TTLL6: variants seen among roughly 807,000 people sequenced by gnomAD.
TTLL6 encodes tubulin polyglutamylase TTLL6.
TTLL6 carries 75 observed loss-of-function variants against 96.4 expected under a neutral mutation model. The observed-to-expected ratio is 0.78, with a 90% confidence interval of 0.65 to 0.94. TTLL6 has a LOEUF of 0.94. Among genes scored for constraint, TTLL6 ranks in the 40% least tolerant of loss-of-function variants. The probability of loss-of-function intolerance (pLI) is 0.00; values close to 1 mark genes in which losing one functional copy is unlikely to be tolerated. For missense variants in TTLL6, 1,030 were observed against 1,093.0 expected, an observed-to-expected ratio of 0.94 and a Z score of 0.81; for synonymous variants, 411 against 419.4, an observed-to-expected ratio of 0.98 and a Z score of 0.24.
chr17:48,816,963 C>G lies in TTLL6; in HGVS notation c.103+7G>C, dbSNP rs921520360. The G allele has an allele frequency of 1.3e-6, 2 of 1,528,738 alleles. No individual in the cohort carries two copies. The highest frequency in any genetic ancestry group is 2.8e-5 in the African/African-American group (2 of 71,966). The allele number at this position is 1,528,738 out of a possible 1,614,324, so 94.7% of individuals were successfully genotyped here. On this transcript the variant is annotated splice_region_variant and intron_variant, in intron 1 of 15. Coordinates refer to ENST00000393382, the MANE Select transcript of TTLL6 (RefSeq NM_001130918.3). Reference sequence around the variant, plus strand: ...GGAGCCAGCACCGGGCTTTGGGGCGCTCTTACCCGCAATTCCTACTCCCCC... The same window carrying G: ...GGAGCCAGCACCGGGCTTTGGGGCGGTCTTACCCGCAATTCCTACTCCCCC...
At chr17:48,772,467 C>T (rs1240477628) in intron 13 of TTLL6, among the ~76,000 whole-genome samples, 1 of 152,160 alleles carries the variant, frequency 6.6e-6, no homozygotes, top group Non-Finnish European at 1.5e-5. Flanking sequence ...TGCAGTGGCT[C>T]ACGCCTGTAA....
rs1567723553 is a variant in TTLL6, at chr17:48,786,258, TC to T, written c.1666del (p.Glu556AsnfsTer7). ...CTTTCTCACTTGCTCGCCTGCCGAT[TC>T]CCCCTGCATCTCTACCTTCTTCTTC... is the stretch of plus-strand genomic sequence containing the variant. ...QMKKKVEMQG[E>X]SAGEQVRKKG... On this transcript the variant is annotated frameshift_variant, in exon 12 of 16. Coordinates refer to ENST00000393382, the MANE Select transcript of TTLL6 (RefSeq NM_001130918.3). LOFTEE classifies it high-confidence loss of function. 1 of 1,614,220 alleles carries T rather than the reference TC, an allele frequency of 6.2e-7. No individual in the cohort carries two copies. Among genetic ancestry groups the T allele is most frequent in the Non-Finnish European group, 8.5e-7 (1 of 1,180,048 alleles).
chr17:48,816,950 G>T lies in TTLL6; in HGVS notation c.103+20C>A. The stretch of plus-strand genomic sequence containing the variant: ...GAGGCTGCGGTCTGGAGCCAGCACC[G>T]GGCTTTGGGGCGCTCTTACCCGCAA... On this transcript the variant is annotated intron_variant, in intron 1 of 15. Coordinates refer to ENST00000393382, the MANE Select transcript of TTLL6 (RefSeq NM_001130918.3). 1 of 1,511,872 alleles carries T rather than the reference G, an allele frequency of 6.6e-7. No individual in the cohort carries two copies. The highest frequency in any genetic ancestry group is 8.8e-7 in the Non-Finnish European group (1 of 1,130,288). 93.7% of individuals were successfully genotyped at this position (1,511,872 alleles called of 1,614,324 possible).
intron 8 of TTLL6, among the ~76,000 whole-genome samples, chr17:48,795,850 G>A (rs1454886305): frequency 6.6e-6 from 1 of 152,182 alleles, no homozygotes; most frequent in Non-Finnish European, 1.5e-5. Flanking sequence ...AGCCTCCCAG[G>A]GTTTACGATG....
At position 48,769,163 on chromosome 17, in the gene TTLL6, ACT is replaced by A. The variant is rs2038680044; in HGVS notation, c.2500_2501del (p.Pro835SerfsTer4). ...TCAGAGTAACATTATAGCTCTGAGGACTCTGCAAGAGGAGGGAGGACACATCC... is the reference window on the plus strand; with the variant it reads ...TCAGAGTAACATTATAGCTCTGAGGACTGCAAGAGGAGGGAGGACACATCC... The part of the protein sequence containing the change: ...QLDVSSLLLQ[S>X]PQSYNVTLRD... On this transcript the variant is annotated frameshift_variant, in exon 15 of 16. Coordinates refer to ENST00000393382, the MANE Select transcript of TTLL6 (RefSeq NM_001130918.3). LOFTEE classifies it high-confidence loss of function. 8 of 1,614,060 alleles carry A rather than the reference ACT, an allele frequency of 5.0e-6. No homozygotes were observed. The East Asian group carries it at 1.8e-4, about 36-fold the overall frequency.
intron 8 of TTLL6, chr17:48,794,169 G>A (rs1442362238): frequency 1.1e-5 from 18 of 1,613,324 alleles, no homozygotes; most frequent in East Asian, 4.5e-5. Flanking sequence ...GGAAATGGAA[G>A]AGGCAGAACA....
At position 48,784,940 on chromosome 17, in the gene TTLL6, C is replaced by A. The variant is rs150224331; in HGVS notation, c.2023G>T (p.Val675Leu). Residue 675 changes from valine to leucine, a missense_variant, in exon 13 of 16, where the codon GTA becomes TTA. Coordinates refer to ENST00000393382, the MANE Select transcript of TTLL6 (RefSeq NM_001130918.3). Reference protein sequence around the residue: ...KEAKSASAVNVFTGTVHLTSV... With the variant: ...KEAKSASAVNLFTGTVHLTSV... ...CTACTTACCACAGTGCCAGTGAATACGTTCACTGCAGAGGCAGACTTGGCC... is the reference window on the plus strand; with the variant it reads ...CTACTTACCACAGTGCCAGTGAATAAGTTCACTGCAGAGGCAGACTTGGCC... The A allele has an allele frequency of 6.2e-7, 1 of 1,613,394 alleles. No individual in the cohort carries two copies. The highest frequency in any genetic ancestry group is 1.1e-5 in the South Asian group (1 of 91,060).
At position 48,777,668 on chromosome 17, in the gene TTLL6, T is replaced by G. The variant is rs186130329; in HGVS notation, c.2040+7255A>C. Among the ~76,000 whole-genome samples, 44 of 152,062 alleles carry G rather than the reference T, an allele frequency of 2.9e-4. No individual in the cohort carries two copies. In the East Asian group the frequency reaches 8.5e-3, roughly 29 times the overall value. On this transcript the variant is annotated intron_variant, in intron 13 of 15. Transcript: ENST00000393382. ...ATCACTTGAACCTGGGAGGCAGAAG[T>G]TGCAATGAGCTGAGGTCGTGCCATT...
chr17:48,801,759 C>G, intron 3 of TTLL6, 116 bp from the exon 4 acceptor site: 1 of 763,324 alleles, frequency 1.3e-6, no homozygotes, highest in Non-Finnish European at 2.1e-6. Flanking sequence ...CTCGGCTCCT[C>G]GAGACTGGAA....
chr17:48,791,358 C>T lies in TTLL6; in HGVS notation c.1224+20G>A. ...CCAATAACAGGAGTTCGTTTTCGCCCCTCGCCCAAACTTCCCTACCTCCAG... is the reference window on the plus strand; with the variant it reads ...CCAATAACAGGAGTTCGTTTTCGCCTCTCGCCCAAACTTCCCTACCTCCAG... On this transcript the variant is annotated intron_variant, in intron 9 of 15. Transcript: ENST00000393382. 6 of 1,609,234 alleles carry T rather than the reference C, an allele frequency of 3.7e-6. No individual in the cohort carries two copies. The highest frequency in any genetic ancestry group is 4.3e-6 in the Non-Finnish European group (5 of 1,176,284).
Position 48,803,882 on chromosome 17 carries a change from G to A in TTLL6, c.361+9C>T. 1 of 1,551,970 alleles carries A rather than the reference G, an allele frequency of 6.4e-7. No homozygotes were observed. The highest frequency in any genetic ancestry group is 8.7e-7 in the Non-Finnish European group (1 of 1,147,044). ...CCCCATTATAGATCTCCTGAATGTA[G>A]ATGCTCACCACTCTCATACCGGCAG... On this transcript the variant is annotated intron_variant, in intron 3 of 15. Coordinates refer to ENST00000393382, the MANE Select transcript of TTLL6 (RefSeq NM_001130918.3).
intron 13 of TTLL6, among the ~76,000 whole-genome samples, chr17:48,779,397 G>A (rs891166202): frequency 2.1e-5 from 3 of 140,666 alleles, no homozygotes; most frequent in South Asian, 2.3e-4. Flanking sequence ...ACGCCAAAAC[G>A]TTGACAAAGA....
chr17:48,779,579 C>A (rs1397529040), intron 13 of TTLL6, among the ~76,000 whole-genome samples: 2 of 151,960 alleles, frequency 1.3e-5, no homozygotes, highest in Non-Finnish European at 2.9e-5. Context: ...AAACATTTGT[C>A]CACAAAATGA....
At chr17:48,766,757 A>G (rs776321067) in intron 15 of TTLL6, among the ~76,000 whole-genome samples, 1 of 152,150 alleles carries the variant, frequency 6.6e-6, no homozygotes, top group Non-Finnish European at 1.5e-5. Context: ...CCAGCTACTC[A>G]AGAGGCTGAG....
At position 48,795,449 on chromosome 17, in the gene TTLL6, C is replaced by T. The variant is rs2039299615; in HGVS notation, c.998+612G>A. 2.0e-5 allele frequency among the ~76,000 whole-genome samples: 3 copies of T among 152,128 alleles called. No homozygotes were observed. In the South Asian group the frequency reaches 6.2e-4, roughly 31 times the overall value. ...ATACTTGCTCCTTTTCCCTTTCCTCCTTCACCTGGTCAAGTTCACATTCTT... is the reference window on the plus strand; with the variant it reads ...ATACTTGCTCCTTTTCCCTTTCCTCTTTCACCTGGTCAAGTTCACATTCTT... On this transcript the variant is annotated intron_variant, in intron 8 of 15. Transcript: ENST00000393382.
rs377472808 is a variant in TTLL6 at position 48,791,504 on chromosome 17, C to T, written c.1098G>A (p.Ser366=). ...IEDVIIKTLI[S]AHPIIRHNYH... Reference sequence around the variant, plus strand: ...AGTTATGCCTGATGATGGGGTGGGCCGAGATGAGGGTCTTGATGATGACGT... The same window carrying T: ...AGTTATGCCTGATGATGGGGTGGGCTGAGATGAGGGTCTTGATGATGACGT... The change falls in exon 9 of 16, where the codon TCG becomes TCA. Residue 366 remains serine, a synonymous_variant. Coordinates refer to ENST00000393382, the MANE Select transcript of TTLL6 (RefSeq NM_001130918.3). 1.9e-5 allele frequency: 31 copies of T among 1,613,948 alleles called. No homozygotes were observed. Among genetic ancestry groups the T allele is most frequent in the African/African-American group, 1.1e-4 (8 of 74,884 alleles).
intron 1 of TTLL6, among the ~76,000 whole-genome samples, chr17:48,814,630 C>T (rs543654474): frequency 5.9e-5 from 9 of 152,194 alleles, no homozygotes; most frequent in Admixed American, 1.3e-4. Flanking sequence ...AGCACTGGGA[C>T]GGGTCCACTG....
At chr17:48,815,993 G>C (rs537931578) in intron 1 of TTLL6, 1 of 152,318 alleles carries the variant, frequency 6.6e-6, no homozygotes, top group Admixed American at 6.5e-5. Flanking sequence ...GTGACCATGG[G>C]TGAGTAACTT....
chr17:48,765,118 TC>T (rs1370651934), intron 15 of TTLL6, among the ~76,000 whole-genome samples: 1 of 152,150 alleles, frequency 6.6e-6, no homozygotes, highest in African/African-American at 2.4e-5. Context: ...TTTTTTCTTT[TC>T]TAAAGCTCAA....
Sources: gnomAD v4.1 joint callset for allele counts (sites outside exome capture counted in the v4.1 genomes callset) on GRCh38, gnomAD v4.1.1 for gene constraint, MANE v1.5 for transcripts, NCBI Gene and HGNC (gene_info 2026-07-23, HGNC 2026-07-21) for gene names.